The following NOL4 variants were observed in gnomAD, a reference collection of about 807,000 sequenced individuals.
NOL4 encodes the protein nucleolar protein 4.
A neutral mutation model predicts 75.9 loss-of-function variants in NOL4; 17 were observed. The observed-to-expected ratio is 0.22, with a 90% CI of 0.15 to 0.34. The LOEUF is 0.34. NOL4 is among the 10% of genes least tolerant of loss of function. NOL4 has a pLI of 1.00. For missense variants in NOL4, 614 were observed against 793.5 expected, an observed-to-expected ratio of 0.77 and a Z score of 2.72; for synonymous variants, 292 against 289.9, an observed-to-expected ratio of 1.01 and a Z score of -0.07.
Position 34,129,758 on chromosome 18 carries a change from G to A in NOL4, c.414+113C>T, listed in dbSNP as rs983435190. The A allele has an allele frequency of 5.1e-6, 5 of 980,592 alleles. No individual in the cohort carries two copies. In the African/African-American group the frequency reaches 8.4e-5, roughly 16 times the overall value. The allele number at this position is 980,592 out of a possible 1,614,324, so 60.7% of individuals were successfully genotyped here. A position where few individuals can be genotyped will look rare whatever the true frequency, so the allele number is the denominator to read the frequency against. On this transcript the variant is annotated intron_variant, in intron 2 of 10. Coordinates refer to ENST00000261592, the MANE Select transcript of NOL4 (RefSeq NM_003787.5). ...TAAATGTTGGGCATGACCATCATATGGCCTAATTTATGTTGAAGATAGAAT... is the reference window on the plus strand; with the variant it reads ...TAAATGTTGGGCATGACCATCATATAGCCTAATTTATGTTGAAGATAGAAT...
intron 6 of NOL4, among the ~76,000 whole-genome samples, chr18:33,989,905 C>T (rs2072789874): frequency 2.0e-5 from 3 of 152,056 alleles, no homozygotes; most frequent in Admixed American, 2.0e-4. Context: ...TTATCTCCCA[C>T]TCATGATCAC....
intron 5 of NOL4, among the ~76,000 whole-genome samples, chr18:34,020,729 G>T (rs528343345): frequency 1.4e-4 from 22 of 152,138 alleles, no homozygotes; most frequent in African/African-American, 5.3e-4. Flanking sequence ...AGCTACAAAA[G>T]AGTGTGGTTG....
chr18:34,218,089 C>T (rs1430543689), intron 1 of NOL4, among the ~76,000 whole-genome samples: 3 of 150,218 alleles, frequency 2.0e-5, no homozygotes, highest in East Asian at 1.9e-4. Flanking sequence ...TTCATCTTTC[C>T]CAGTTAGACC....
intron 1 of NOL4, among the ~76,000 whole-genome samples, chr18:34,203,908 T>C (rs1352959152): frequency 6.6e-6 from 1 of 152,110 alleles, no homozygotes; most frequent in East Asian, 1.9e-4. Flanking sequence ...ATCCGTACCC[T>C]AACTACTTTT....
At chr18:33,867,661 C>G (rs1170483257) in intron 10 of NOL4, among the ~76,000 whole-genome samples, 2 of 151,318 alleles carry the variant, frequency 1.3e-5, no homozygotes, top group Admixed American at 6.6e-5. Flanking sequence ...CACACACACA[C>G]ACACACACAC....
chr18:33,954,080 G>T (rs896185799), intron 8 of NOL4, among the ~76,000 whole-genome samples: 3 of 152,094 alleles, frequency 2.0e-5, no homozygotes, highest in African/African-American at 7.2e-5. Flanking sequence ...GCACCTCTGA[G>T]GATGCTCAAG....
chr18:34,034,659 A>G (rs926718533), intron 5 of NOL4, among the ~76,000 whole-genome samples: 3 of 152,088 alleles, frequency 2.0e-5, no homozygotes, highest in African/African-American at 7.2e-5. Context: ...GAATCACTTG[A>G]ACTTCGGGAG....
chr18:33,930,026 T>C (rs2067584493), intron 9 of NOL4, among the ~76,000 whole-genome samples: 1 of 152,122 alleles, frequency 6.6e-6, no homozygotes, highest in Non-Finnish European at 1.5e-5. Flanking sequence ...ACCAACAGAA[T>C]TCAGGTCTAA....
Position 34,222,114 on chromosome 18 carries a change from G to C in NOL4, c.264+876C>G, listed in dbSNP as rs1214893732. 11 of 1,534,342 alleles carry C rather than the reference G, an allele frequency of 7.2e-6. No individual in the cohort carries two copies. In the African/African-American group the frequency reaches 9.6e-5, roughly 13 times the overall value. ...TCTTGTGAAGAAAATCGACGCTGCT[G>C]CGGCTCCCCAGCCCCACTGGCTTCT... On this transcript the variant is annotated intron_variant, in intron 1 of 10. Coordinates refer to ENST00000261592, the MANE Select transcript of NOL4 (RefSeq NM_003787.5).
chr18:33,976,995 T>G (rs778142749), intron 6 of NOL4, among the ~76,000 whole-genome samples: 59 of 152,280 alleles, frequency 3.9e-4, no homozygotes, highest in Admixed American at 1.4e-3. Flanking sequence ...TAGAATAGTT[T>G]TGTTTCATTT....
chr18:34,210,348 C>A (rs371056610), intron 1 of NOL4, among the ~76,000 whole-genome samples: 1 of 152,004 alleles, frequency 6.6e-6, no homozygotes, highest in Non-Finnish European at 1.5e-5. Flanking sequence ...CTTTTTTTCC[C>A]ATAGGTCTTT....
Position 33,866,989 on chromosome 18 carries a change from G to T in NOL4, c.1724-13954C>A, listed in dbSNP as rs530500210. Among the ~76,000 whole-genome samples the T allele has an allele frequency of 2.1e-4, 32 of 152,126 alleles. No individual in the cohort carries two copies. In the South Asian group the frequency reaches 6.4e-3, roughly 31 times the overall value. Reference sequence around the variant, plus strand: ...ATATCACAATTGCTTAGACCATTGGGTTCTCTGGCCACTGTTAAAGAAAAG... The same window carrying T: ...ATATCACAATTGCTTAGACCATTGGTTTCTCTGGCCACTGTTAAAGAAAAG... On this transcript the variant is annotated intron_variant, in intron 10 of 10. Coordinates refer to ENST00000261592, the MANE Select transcript of NOL4 (RefSeq NM_003787.5).
chr18:34,018,897 C>A (rs991025608), intron 6 of NOL4, among the ~76,000 whole-genome samples: 18 of 152,204 alleles, frequency 1.2e-4, no homozygotes, highest in African/African-American at 4.3e-4. Context: ...GTCTCCAAAG[C>A]AAACTGAAGA....
chr18:33,976,732 A>G (rs1244912470), intron 6 of NOL4, among the ~76,000 whole-genome samples: 2 of 152,250 alleles, frequency 1.3e-5, no homozygotes, highest in Admixed American at 1.3e-4. Flanking sequence ...CTCCTTTTAG[A>G]GTTAAGTTTG....
chr18:34,010,024 C>T (rs964302847), intron 6 of NOL4, among the ~76,000 whole-genome samples: 3 of 151,774 alleles, frequency 2.0e-5, no homozygotes, highest in African/African-American at 7.3e-5. Flanking sequence ...TATGACTTGG[C>T]TATTTTTTTT....
chr18:34,051,336 C>A (rs1192874259), intron 5 of NOL4, among the ~76,000 whole-genome samples: 1 of 151,872 alleles, frequency 6.6e-6, no homozygotes, highest in Non-Finnish European at 1.5e-5. Context: ...AAATGTAAAT[C>A]TGTCTACATA....
chr18:33,928,519 A>G (rs2067482265), intron 9 of NOL4, among the ~76,000 whole-genome samples: 1 of 152,184 alleles, frequency 6.6e-6, no homozygotes, highest in African/African-American at 2.4e-5. Context: ...AAAGTTTCTC[A>G]GCTTCAGATT....
chr18:34,090,428 A>T (rs529749337), intron 5 of NOL4, among the ~76,000 whole-genome samples: 28 of 152,246 alleles, frequency 1.8e-4, no homozygotes, highest in African/African-American at 5.3e-4. Context: ...AACAATTAGG[A>T]AATAGGTAAG....
intron 1 of NOL4, among the ~76,000 whole-genome samples, chr18:34,161,848 A>C (rs968921553): frequency 1.3e-5 from 2 of 152,188 alleles, no homozygotes; most frequent in Non-Finnish European, 2.9e-5. Flanking sequence ...GTGTCTTTGC[A>C]CTGAAATATT....
Sources: gnomAD v4.1 joint callset for allele counts (sites outside exome capture counted in the v4.1 genomes callset) on GRCh38, gnomAD v4.1.1 for gene constraint, MANE v1.5 for transcripts, NCBI Gene and HGNC (gene_info 2026-07-23, HGNC 2026-07-21) for gene names.